The following ADAMTS17 variants were observed in gnomAD, a reference collection of about 807,000 sequenced individuals.
ADAMTS17 encodes the protein ADAM metallopeptidase with thrombospondin type 1 motif 17.
ADAMTS17 carries 113 observed loss-of-function variants against 141.5 expected under a neutral mutation model. That is an observed-to-expected ratio of 0.80 (90% CI 0.69 to 0.93). The LOEUF (loss-of-function observed/expected upper bound fraction) is 0.93. Among genes scored for constraint, ADAMTS17 ranks in the 40% least tolerant of loss-of-function variants. ADAMTS17 has a pLI of 0.00. For missense variants in ADAMTS17, 1,659 were observed against 1,517.9 expected, an observed-to-expected ratio of 1.09 and a Z score of -1.54; for synonymous variants, 768 against 630.6, an observed-to-expected ratio of 1.22 and a Z score of -3.27.
chr15:100,176,643 C>A (rs546789662), intron 8 of ADAMTS17, among the ~76,000 whole-genome samples: 2 of 152,180 alleles, frequency 1.3e-5, no homozygotes, highest in African/African-American at 4.8e-5. Flanking sequence ...ACCACTTATA[C>A]ATGCGTTCAT....
chr15:100,135,954 A>G (rs2038309196), intron 10 of ADAMTS17, among the ~76,000 whole-genome samples: 1 of 152,232 alleles, frequency 6.6e-6, no homozygotes. Context: ...ATGGGGCACA[A>G]TGGGTCCTTT....
intron 15 of ADAMTS17, among the ~76,000 whole-genome samples, chr15:100,083,617 T>G (rs2034894261): frequency 6.6e-6 from 1 of 151,944 alleles, no homozygotes; most frequent in Non-Finnish European, 1.5e-5. Context: ...ACCACAGACC[T>G]AGCCTTGGAT....
chr15:100,220,825 A>G (rs1389961282), intron 7 of ADAMTS17, among the ~76,000 whole-genome samples: 3 of 152,222 alleles, frequency 2.0e-5, no homozygotes, highest in Non-Finnish European at 4.4e-5. Flanking sequence ...AGGGTCATCC[A>G]TGTCACAGCA....
At chr15:100,328,899 T>C (rs2045968204) in intron 3 of ADAMTS17, among the ~76,000 whole-genome samples, 1 of 152,140 alleles carries the variant, frequency 6.6e-6, no homozygotes, top group Admixed American at 6.5e-5. Flanking sequence ...ATCTGTCCTT[T>C]GTTTCGTTGC....
At chr15:100,255,008 G>C (rs11247173) in intron 6 of ADAMTS17, among the ~76,000 whole-genome samples, 3 of 148,912 alleles carry the variant, frequency 2.0e-5, no homozygotes, top group East Asian at 3.9e-4. Flanking sequence ...AACTTAAAAG[G>C]TGAAGGAAAA....
intron 7 of ADAMTS17, among the ~76,000 whole-genome samples, chr15:100,250,857 T>C (rs1027380014): frequency 6.6e-6 from 1 of 152,172 alleles, no homozygotes; most frequent in African/African-American, 2.4e-5. Flanking sequence ...CTGTACTCTT[T>C]TGGCAATGAT....
At chr15:100,179,564 CAGAG>C (rs1313140523) in intron 8 of ADAMTS17, among the ~76,000 whole-genome samples, 2 of 152,164 alleles carry the variant, frequency 1.3e-5, no homozygotes, top group Non-Finnish European at 2.9e-5. Context: ...ATATACCTAG[CAGAG>C]AGATTGCTGG....
chr15:100,180,376 G>A (rs2040481863), intron 8 of ADAMTS17, among the ~76,000 whole-genome samples: 1 of 152,126 alleles, frequency 6.6e-6, no homozygotes. Flanking sequence ...ATTGCTCTGT[G>A]TATCTGTTTT....
chr15:100,110,488 T>C (rs971949134), intron 13 of ADAMTS17, among the ~76,000 whole-genome samples: 5 of 151,806 alleles, frequency 3.3e-5, no homozygotes, highest in African/African-American at 1.2e-4. Flanking sequence ...GTGGTCTCGA[T>C]CTCCTGACCT....
intron 15 of ADAMTS17, among the ~76,000 whole-genome samples, chr15:100,091,997 A>G (rs912108540): frequency 6.6e-6 from 1 of 152,188 alleles, no homozygotes; most frequent in Non-Finnish European, 1.5e-5. Context: ...GTCAGTGTAG[A>G]CAAACGAAGA....
At chr15:100,084,051 T>G (rs1360377475) in intron 15 of ADAMTS17, among the ~76,000 whole-genome samples, 1 of 151,994 alleles carries the variant, frequency 6.6e-6, no homozygotes, top group South Asian at 2.1e-4. Flanking sequence ...AGGCATCACC[T>G]CACCCGGGAA....
intron 8 of ADAMTS17, among the ~76,000 whole-genome samples, chr15:100,193,131 C>T (rs1019231217): frequency 6.6e-6 from 1 of 152,254 alleles, no homozygotes; most frequent in South Asian, 2.1e-4. Context: ...TCTGGCCTTG[C>T]AGGGCTCCAC....
At chr15:100,245,925 TGTAG>T (rs2042973509) in intron 7 of ADAMTS17, among the ~76,000 whole-genome samples, 1 of 152,152 alleles carries the variant, frequency 6.6e-6, no homozygotes, top group Admixed American at 6.5e-5. Context: ...GGTATTTGTG[TGTAG>T]GTAAGACACA....
chr15:100,173,636 C>T (rs2040236804), intron 8 of ADAMTS17, among the ~76,000 whole-genome samples: 1 of 152,234 alleles, frequency 6.6e-6, no homozygotes, highest in African/African-American at 2.4e-5. Flanking sequence ...TATGCCAGAC[C>T]TCTCTCTTAT....
chr15:100,292,891 G>C (rs558058554), intron 3 of ADAMTS17, among the ~76,000 whole-genome samples: 2 of 152,168 alleles, frequency 1.3e-5, no homozygotes, highest in African/African-American at 2.4e-5. Flanking sequence ...ATTCCTTAGG[G>C]ACAGATAATA....
chr15:100,028,753 T>C (rs2029872442), intron 18 of ADAMTS17, among the ~76,000 whole-genome samples: 1 of 152,232 alleles, frequency 6.6e-6, no homozygotes, highest in African/African-American at 2.4e-5. Flanking sequence ...CTGCTTCTGC[T>C]TCTCAGGGTT....
At chr15:100,073,071 AAAC>A (rs1260227455) in intron 15 of ADAMTS17, among the ~76,000 whole-genome samples, 2 of 152,146 alleles carry the variant, frequency 1.3e-5, no homozygotes, top group African/African-American at 4.8e-5. Flanking sequence ...TACAAGAAAA[AAAC>A]AAACAGCCCC....
chr15:100,240,598 T>A (rs933092542), intron 7 of ADAMTS17, among the ~76,000 whole-genome samples: 1 of 152,202 alleles, frequency 6.6e-6, no homozygotes, highest in Non-Finnish European at 1.5e-5. Flanking sequence ...GGAATCTACA[T>A]GACAAACTCA....
rs571536599 is a variant in ADAMTS17, at chr15:100,218,430, T to C, written c.1076-19007A>G. On this transcript the variant is annotated intron_variant, in intron 7 of 21. Coordinates refer to ENST00000268070, the MANE Select transcript of ADAMTS17 (RefSeq NM_139057.4). ...TTTTTGAATGGGCAAATGATCTAAA[T>C]AGACATTTTTCCAAAGCAGAAATAT... Among the ~76,000 whole-genome samples, 13 of 152,296 alleles carry C rather than the reference T, an allele frequency of 8.5e-5. No homozygotes were observed. In the South Asian group the frequency reaches 1.9e-3, roughly 22 times the overall value.
Sources: gnomAD v4.1 joint callset for allele counts (sites outside exome capture counted in the v4.1 genomes callset) on GRCh38, gnomAD v4.1.1 for gene constraint, MANE v1.5 for transcripts, NCBI Gene and HGNC (gene_info 2026-07-23, HGNC 2026-07-21) for gene names.